The following TRIM62 variants were observed in gnomAD, a reference collection of about 807,000 sequenced individuals.
TRIM62 encodes the protein tripartite motif containing 62, also known as E3 ubiquitin-protein ligase TRIM62.
TRIM62 carries 39 observed loss-of-function variants against 44.2 expected under a neutral mutation model. The observed-to-expected ratio is 0.88, with a 90% CI of 0.68 to 1.15. The LOEUF (loss-of-function observed/expected upper bound fraction) is 1.15. Ranked by LOEUF, TRIM62 falls within the 50% of genes most tolerant of loss-of-function variation. The probability of loss-of-function intolerance (pLI) is 0.00; values close to 1 mark genes in which losing one functional copy is unlikely to be tolerated. For synonymous variants in TRIM62, 278 were observed against 292.3 expected (o/e 0.95, Z 0.50); for missense variants, 544 against 665.5 (o/e 0.82, Z 2.01).
chr1:33,168,559 C>A (rs544033739), intron 1 of TRIM62, among the ~76,000 whole-genome samples: 21 of 152,340 alleles, frequency 1.4e-4, no homozygotes, highest in Admixed American at 1.3e-4. Flanking sequence ...ACCTGGAGTC[C>A]TTTCCTAGAG....
At chr1:33,154,089 G>A (rs1297085814) in intron 4 of TRIM62, among the ~76,000 whole-genome samples, 2 of 152,254 alleles carry the variant, frequency 1.3e-5, no homozygotes, top group African/African-American at 4.8e-5. Context: ...GGCTGCAGCC[G>A]AAGGGAATGG....
chr1:33,155,135 G>A (rs1268418130), intron 4 of TRIM62, among the ~76,000 whole-genome samples: 1 of 147,746 alleles, frequency 6.8e-6, no homozygotes, highest in East Asian at 2.2e-4. Context: ...GCAGTGGCGC[G>A]ATCTCGGCTC....
At chr1:33,149,577 CTT>C (rs1169521077) in intron 4 of TRIM62, among the ~76,000 whole-genome samples, 1 of 152,030 alleles carries the variant, frequency 6.6e-6, no homozygotes, top group African/African-American at 2.4e-5. Context: ...GCTTCAGCCT[CTT>C]GAGTAGCTGA....
intron 4 of TRIM62, among the ~76,000 whole-genome samples, chr1:33,150,392 G>A (rs1018592792): frequency 2.6e-5 from 4 of 152,230 alleles, no homozygotes; most frequent in Non-Finnish European, 5.9e-5. Context: ...GCCAGTCCCT[G>A]AACTGTGCCT....
At chr1:33,154,144 G>A (rs1314133843) in intron 4 of TRIM62, among the ~76,000 whole-genome samples, 1 of 151,742 alleles carries the variant, frequency 6.6e-6, no homozygotes, top group East Asian at 1.9e-4. Context: ...ACATGTAGAT[G>A]AGGGAGAATA....
chr1:33,160,920 T>C (rs186974222), intron 2 of TRIM62, among the ~76,000 whole-genome samples: 99 of 152,326 alleles, frequency 6.5e-4, no homozygotes, highest in African/African-American at 2.3e-3. Context: ...TGAACTTTCA[T>C]GGTTTTCTCT....
intron 2 of TRIM62, among the ~76,000 whole-genome samples, chr1:33,162,278 A>G (rs1342589215): frequency 6.6e-6 from 1 of 152,212 alleles, no homozygotes; most frequent in East Asian, 1.9e-4. Flanking sequence ...GCGCCACTGC[A>G]TTGCAACTCC....
At chr1:33,158,121 G>A (rs1645206380) in intron 4 of TRIM62, 132 bp downstream of exon 4, 1 of 734,478 alleles carries the variant, frequency 1.4e-6, no homozygotes, top group African/African-American at 1.7e-5. Context: ...ACAGGTCCTG[G>A]AACACACTAG....
Position 33,159,322 on chromosome 1 carries a change from CCTA to C in TRIM62, c.761+363_761+365del, listed in dbSNP as rs1374950060. 4.0e-5 allele frequency among the ~76,000 whole-genome samples: 6 copies of C among 151,886 alleles called. No homozygotes were observed. The highest frequency in any genetic ancestry group is 1.5e-4 in the African/African-American group (6 of 41,360). ...TGATTGTAAACACTATTAAATGCTA[CCTA>C]CTATCTATAATGTATACAGAATATA... On this transcript the variant is annotated intron_variant, in intron 3 of 4. Transcript: ENST00000291416. The surrounding 1 kb of genome is among the most constrained non-coding windows in gnomAD (Gnocchi z 4.2).
rs1438196645 is a variant in TRIM62, at chr1:33,167,511, G to A, written c.409-1945C>T. Among the ~76,000 whole-genome samples, 4 of 152,078 alleles carry A rather than the reference G, an allele frequency of 2.6e-5. No individual in the cohort carries two copies. Among genetic ancestry groups the A allele is most frequent in the Admixed American group, 6.6e-5 (1 of 15,262 alleles). On this transcript the variant is annotated intron_variant, in intron 1 of 4. Coordinates refer to ENST00000291416, the MANE Select transcript of TRIM62 (RefSeq NM_018207.3). This position sits in a 1 kb window ranked among gnomAD's most constrained non-coding sequence, Gnocchi z 4.2. ...TCCTGTCTGTCTCTTCTTCGTCCCC[G>A]TATTGGCCCACAAGTCCTCCAGGGT...
In TRIM62 at chr1:33,159,911, C is replaced by T. The variant is rs1191921675; in HGVS notation, c.538G>A (p.Glu180Lys). 5 of 1,608,108 alleles carry T rather than the reference C, an allele frequency of 3.1e-6. No individual in the cohort carries two copies. The highest frequency in any genetic ancestry group is 2.5e-6 in the Non-Finnish European group (3 of 1,179,934). Reference protein sequence around the residue: ...STKSLRTTIGEAFERLHRLLR... With the variant: ...STKSLRTTIGKAFERLHRLLR... Reference sequence around the variant, plus strand: ...AGCCGGTGCAGCCGCTCGAAGGCCTCGCCGATAGTGGTCCGCAGGCTCTTG... The same window carrying T: ...AGCCGGTGCAGCCGCTCGAAGGCCTTGCCGATAGTGGTCCGCAGGCTCTTG... The change falls in exon 3 of 5, where the codon GAG (glutamate) becomes AAG (lysine). Residue 180 changes from glutamate to lysine, a missense_variant. Glu to Lys is a moderately conservative substitution (Grantham distance 56). Transcript: ENST00000291416. The surrounding 1 kb of genome is among the most constrained non-coding windows in gnomAD (Gnocchi z 4.2).
At chr1:33,179,085 T>C (rs1645442084) in intron 1 of TRIM62, among the ~76,000 whole-genome samples, 1 of 152,232 alleles carries the variant, frequency 6.6e-6, no homozygotes, top group African/African-American at 2.4e-5. Context: ...AGGCCTCACT[T>C]TCCATTCCTA....
intron 4 of TRIM62, among the ~76,000 whole-genome samples, chr1:33,157,015 C>G (rs867418486): frequency 5.9e-5 from 9 of 151,576 alleles, no homozygotes; most frequent in Admixed American, 2.0e-4. Flanking sequence ...ACCCATTTCC[C>G]AGCCCCCATC....
chr1:33,158,146 A>G (rs1645207185), intron 4 of TRIM62, 107 bp downstream of exon 4: 1 of 977,420 alleles, frequency 1.0e-6, no homozygotes, highest in African/African-American at 1.6e-5. Flanking sequence ...TCAGCAAGGC[A>G]CTCTGCTCAT....
At chr1:33,157,341 TG>T (rs1645193225) in intron 4 of TRIM62, among the ~76,000 whole-genome samples, 1 of 152,110 alleles carries the variant, frequency 6.6e-6, no homozygotes, top group South Asian at 2.1e-4. Flanking sequence ...TTGCACTTGC[TG>T]TCCCCATGCC....
intron 3 of TRIM62, among the ~76,000 whole-genome samples, chr1:33,158,802 C>T (rs1270974141): frequency 6.6e-6 from 1 of 152,072 alleles, no homozygotes; most frequent in Non-Finnish European, 1.5e-5. Flanking sequence ...GGGCCTTGGC[C>T]AACTGATGTA....
intron 1 of TRIM62, among the ~76,000 whole-genome samples, chr1:33,174,461 G>A (rs978435012): frequency 6.6e-6 from 1 of 152,170 alleles, no homozygotes; most frequent in Non-Finnish European, 1.5e-5. Context: ...TGGAGTTACA[G>A]GTGTGAGCTA....
Position 33,146,074 on chromosome 1 carries a change from TG to T in TRIM62, c.*1102del. On this transcript the variant is annotated 3_prime_UTR_variant, in exon 5 of 5. Transcript: ENST00000291416. ...TTCTGGCATAGTGGCTTCCTGCAGATGGGGGCAGCTTTCCTGGTCACAACAG... is the reference window on the plus strand; with the variant it reads ...TTCTGGCATAGTGGCTTCCTGCAGATGGGGCAGCTTTCCTGGTCACAACAG... 2.8e-6 allele frequency: 1 copy of T among 352,198 alleles called. No individual in the cohort carries two copies. Among genetic ancestry groups the T allele is most frequent in the Non-Finnish European group, 5.7e-6 (1 of 176,502 alleles). 21.8% of individuals were successfully genotyped at this position (352,198 alleles called of 1,614,324 possible). A position where few individuals can be genotyped will look rare whatever the true frequency, so the allele number is the denominator to read the frequency against.
rs1223673091 is a variant in TRIM62 at position 33,161,758 on chromosome 1, C to T, written c.505-1814G>A. Reference sequence around the variant, plus strand: ...CTGCCCTCCACAGGCGCCCAGACTCCGCAGCTACTCCTCTGGCTCCTCCTA... The same window carrying T: ...CTGCCCTCCACAGGCGCCCAGACTCTGCAGCTACTCCTCTGGCTCCTCCTA... On this transcript the variant is annotated intron_variant, in intron 2 of 4. Coordinates refer to ENST00000291416, the MANE Select transcript of TRIM62 (RefSeq NM_018207.3). The surrounding 1 kb of genome is among the most constrained non-coding windows in gnomAD (Gnocchi z 4.3). Among the ~76,000 whole-genome samples the T allele has an allele frequency of 1.3e-5, 2 of 152,120 alleles. No homozygotes were observed. The highest frequency in any genetic ancestry group is 2.9e-5 in the Non-Finnish European group (2 of 68,008).
Sources: gnomAD v4.1 joint callset for allele counts (sites outside exome capture counted in the v4.1 genomes callset) on GRCh38, gnomAD v4.1.1 for gene constraint, Gnocchi (gnomAD v3.1) non-coding constraint, MANE v1.5 for transcripts, NCBI Gene and HGNC (gene_info 2026-07-23, HGNC 2026-07-21) for gene names.